Variants in CAPZB observed in about 807,000 individuals in gnomAD.
The protein encoded by CAPZB is capping actin protein of muscle Z-line subunit beta.
A neutral mutation model predicts 38.1 loss-of-function variants in CAPZB; 2 were observed. The observed-to-expected ratio is 0.05, with a 90% CI of 0.02 to 0.17. The LOEUF (loss-of-function observed/expected upper bound fraction) is 0.17, where lower values mean the gene tolerates loss of function less well. Ranked by LOEUF, CAPZB falls within the 10% of genes least tolerant of loss-of-function variation. The probability of loss-of-function intolerance (pLI) is 1.00; values close to 1 mark genes in which losing one functional copy is unlikely to be tolerated. For missense variants in CAPZB, 161 were observed against 334.2 expected (o/e 0.48, Z 4.04); for synonymous variants, 107 against 127.4 (o/e 0.84, Z 1.08).
intron 2 of CAPZB, among the ~76,000 whole-genome samples, chr1:19,417,205 C>T (rs1463094770): frequency 1.3e-5 from 2 of 152,202 alleles, no homozygotes; most frequent in African/African-American, 4.8e-5. Context: ...AGAAAAGACA[C>T]AGCTGTAGTA....
intron 2 of CAPZB, among the ~76,000 whole-genome samples, chr1:19,390,542 C>A (rs753354504): frequency 6.6e-6 from 1 of 152,186 alleles, no homozygotes; most frequent in Non-Finnish European, 1.5e-5. Flanking sequence ...ACAGTGCCTG[C>A]CGTCTTTCTG....
chr1:19,481,724 G>GA (rs2094629381), intron 1 of CAPZB, among the ~76,000 whole-genome samples: 1 of 152,186 alleles, frequency 6.6e-6, no homozygotes, highest in South Asian at 2.1e-4. Flanking sequence ...CCCAATGGCA[G>GA]ACACAAGAGA....
intron 2 of CAPZB, among the ~76,000 whole-genome samples, chr1:19,417,769 A>G (rs1330471030): frequency 6.6e-6 from 1 of 151,894 alleles, no homozygotes; most frequent in Admixed American, 6.6e-5. Flanking sequence ...CCCAGCTCAC[A>G]TTTCACATGC....
chr1:19,377,803 G>C (rs1440451683), intron 4 of CAPZB, among the ~76,000 whole-genome samples: 2 of 152,206 alleles, frequency 1.3e-5, no homozygotes, highest in Non-Finnish European at 2.9e-5. Flanking sequence ...GTGACATGTT[G>C]GTGCTGTGGT....
At chr1:19,431,748 TA>T (rs137943703) in intron 1 of CAPZB, among the ~76,000 whole-genome samples, 31,385 of 137,980 alleles carry the variant, frequency 0.23, 4,342 homozygotes, top group African/African-American at 0.4. Context: ...AAATAAAAAA[TA>T]AAAAAAAAGA....
chr1:19,400,072 G>A (rs2094294661), intron 2 of CAPZB, among the ~76,000 whole-genome samples: 1 of 152,034 alleles, frequency 6.6e-6, no homozygotes, highest in Non-Finnish European at 1.5e-5. Context: ...TAAACTCTTA[G>A]GGAATTTCTA....
chr1:19,440,194 T>C (rs1390488303), intron 1 of CAPZB, among the ~76,000 whole-genome samples: 1 of 152,154 alleles, frequency 6.6e-6, no homozygotes, highest in Non-Finnish European at 1.5e-5. Flanking sequence ...CATACCACCA[T>C]GTCTGGTTAA....
chr1:19,483,306 T>G (rs1471634574), intron 1 of CAPZB, among the ~76,000 whole-genome samples: 2 of 152,208 alleles, frequency 1.3e-5, no homozygotes, highest in African/African-American at 4.8e-5. Flanking sequence ...CTTGGTACAA[T>G]GGGAAGAACA....
Position 19,356,963 on chromosome 1 carries a change from G to T in CAPZB, c.472-212C>A, listed in dbSNP as rs901034483. Among the ~76,000 whole-genome samples, 15 of 152,076 alleles carry T rather than the reference G, an allele frequency of 9.9e-5. No individual in the cohort carries two copies. Among genetic ancestry groups the T allele is most frequent in the Non-Finnish European group, 2.1e-4 (14 of 68,012 alleles). ...TGCAGCCTCCACCTCCCAGGTTCAA[G>T]CGATTCTCCTGCCTCAGCCTCCCAA... On this transcript the variant is annotated intron_variant, in intron 5 of 8. Transcript: ENST00000264202. The surrounding 1 kb of genome is among the most constrained non-coding windows in gnomAD (Gnocchi z 4.3).
chr1:19,358,535 T>C (rs873362), intron 4 of CAPZB, among the ~76,000 whole-genome samples: 48,305 of 152,096 alleles, frequency 0.32, 8,484 homozygotes, highest in Admixed American at 0.44. Context: ...TGGGAATCAG[T>C]CTGGGATCCC....
chr1:19,439,913 A>C (rs1317652197), intron 1 of CAPZB, among the ~76,000 whole-genome samples: 2 of 152,200 alleles, frequency 1.3e-5, no homozygotes, highest in African/African-American at 4.8e-5. Flanking sequence ...TTTTGCAGGA[A>C]TCAAGGCCCT....
Position 19,425,658 on chromosome 1 carries a change from CAATA to C in CAPZB, c.4-5912_4-5909del, listed in dbSNP as rs530281415. The stretch of plus-strand genomic sequence containing the variant: ...GCATAAAATTGCTTAAATCACCCTG[CAATA>C]AATAAAACCACCATTAATACGGACT... On this transcript the variant is annotated intron_variant, in intron 1 of 8. Transcript: ENST00000264202. 6.6e-5 allele frequency among the ~76,000 whole-genome samples: 10 copies of C among 152,304 alleles called. No individual in the cohort carries two copies. In the South Asian group the frequency reaches 2.1e-3, roughly 32 times the overall value.
At chr1:19,352,267 G>A (rs1432961006) in intron 6 of CAPZB, among the ~76,000 whole-genome samples, 1 of 152,252 alleles carries the variant, frequency 6.6e-6, no homozygotes, top group Admixed American at 6.5e-5. Flanking sequence ...TTTACTGCCT[G>A]AAGATATATT....
chr1:19,359,732 G>A (rs2094042618), intron 4 of CAPZB, among the ~76,000 whole-genome samples: 1 of 152,308 alleles, frequency 6.6e-6, no homozygotes, highest in Non-Finnish European at 1.5e-5. Flanking sequence ...TCTGGCTCTG[G>A]CCAGGTGCAG....
rs1336999376 is a variant in CAPZB, at chr1:19,476,198, AG to A, written c.3+9237del. On this transcript the variant is annotated intron_variant, in intron 1 of 8. Coordinates refer to ENST00000264202, the MANE Select transcript of CAPZB (RefSeq NM_004930.5). ...TAGATAGATAGATAGATAGATAGATAGATAGATAGATAGATAGATAGATAGA... is the reference window on the plus strand; with the variant it reads ...TAGATAGATAGATAGATAGATAGATAATAGATAGATAGATAGATAGATAGA... Among the ~76,000 whole-genome samples the A allele has an allele frequency of 1.8e-4, 25 of 138,014 alleles. No individual in the cohort carries two copies. The East Asian group carries it at 3.3e-3, about 18-fold the overall frequency. The allele number at this position is 138,014 out of a possible 152,430, so 90.5% of individuals were successfully genotyped here.
intron 1 of CAPZB, among the ~76,000 whole-genome samples, chr1:19,467,888 T>C (rs919478315): frequency 2.6e-5 from 4 of 152,342 alleles, no homozygotes; most frequent in African/African-American, 7.2e-5. Context: ...TTGAAAACAC[T>C]GCAGGGCCGC....
At chr1:19,363,522 CT>C (rs2094065904) in intron 4 of CAPZB, among the ~76,000 whole-genome samples, 1 of 152,052 alleles carries the variant, frequency 6.6e-6, no homozygotes, top group South Asian at 2.1e-4. Flanking sequence ...ATGTCCGTAA[CT>C]TTTCAACCAC....
intron 1 of CAPZB, among the ~76,000 whole-genome samples, chr1:19,453,164 A>G (rs2094522178): frequency 1.3e-5 from 2 of 152,000 alleles, no homozygotes; most frequent in African/African-American, 4.8e-5. Context: ...GACACCTTCC[A>G]GCTTCTTGTG....
At chr1:19,362,392 A>C (rs573221103) in intron 4 of CAPZB, among the ~76,000 whole-genome samples, 2 of 152,256 alleles carry the variant, frequency 1.3e-5, no homozygotes, top group East Asian at 3.9e-4. Flanking sequence ...GTCTGCCAAC[A>C]TGCCTGGATA....
Sources: allele counts gnomAD v4.1 joint callset (sites outside exome capture counted in the v4.1 genomes callset), GRCh38; gene constraint gnomAD v4.1.1; non-coding constraint Gnocchi (gnomAD v3.1); transcripts MANE v1.5; gene names NCBI Gene and HGNC (gene_info 2026-07-23, HGNC 2026-07-21).